The following SLIT3 variants were observed in gnomAD, a reference collection of about 807,000 sequenced individuals.
The protein encoded by SLIT3 is slit guidance ligand 3.
In SLIT3, 68 loss-of-function variants were observed where a neutral mutation model predicts 184.0. That is an observed-to-expected ratio of 0.37 (90% CI 0.30 to 0.45). The LOEUF (loss-of-function observed/expected upper bound fraction) is 0.45. SLIT3 is among the 20% of genes least tolerant of loss of function. The pLI, the probability that SLIT3 is intolerant of heterozygous loss-of-function variation, is 1.00. For synonymous variants in SLIT3, 831 were observed against 828.6 expected (o/e 1.00, Z -0.05); for missense variants, 1,707 against 2,026.0 (o/e 0.84, Z 3.02).
intron 3 of SLIT3, 51 bp downstream of exon 3, chr5:169,244,654 A>C (rs1461538237): frequency 2.6e-6 from 4 of 1,530,792 alleles, no homozygotes; most frequent in Non-Finnish European, 3.6e-6. Context: ...CAAAACAAAA[A>C]ACACTAAATG....
rs991802778 is a variant in SLIT3 at position 168,663,593 on chromosome 5, C to T, written c.*2861G>A. ...CACCTGTGGCCCAGTTTAGCATGCA[C>T]AGCTCTTTGTGGTCAAAACCCTACC... On this transcript the variant is annotated 3_prime_UTR_variant, in exon 36 of 36. Transcript: ENST00000519560. The T allele has an allele frequency of 1.3e-5, 2 of 152,340 alleles. No individual in the cohort carries two copies. The highest frequency in any genetic ancestry group is 2.9e-5 in the Non-Finnish European group (2 of 68,178). 9.4% of individuals were successfully genotyped at this position (152,340 alleles called of 1,614,324 possible).
chr5:169,294,750 A>G (rs998357309), intron 1 of SLIT3, among the ~76,000 whole-genome samples: 9 of 152,164 alleles, frequency 5.9e-5, no homozygotes, highest in African/African-American at 2.2e-4. Context: ...CATAGAGTGC[A>G]CTCACACGAG....
chr5:169,196,013 G>A (rs577585754), intron 3 of SLIT3, among the ~76,000 whole-genome samples: 4 of 152,182 alleles, frequency 2.6e-5, no homozygotes, highest in Admixed American at 6.5e-5. Context: ...TTGCAAAACC[G>A]AAATTCTGTC....
At chr5:168,944,008 G>C (rs548355859) in intron 4 of SLIT3, among the ~76,000 whole-genome samples, 4 of 152,132 alleles carry the variant, frequency 2.6e-5, no homozygotes, top group Non-Finnish European at 5.9e-5. Context: ...CACAGTCCTT[G>C]GTGGCCCAGC....
intron 4 of SLIT3, among the ~76,000 whole-genome samples, chr5:169,099,681 C>T (rs1235400433): frequency 6.6e-6 from 1 of 152,208 alleles, no homozygotes; most frequent in Admixed American, 6.5e-5. Flanking sequence ...TTAGTCCCAA[C>T]CATGCCATAT....
intron 23 of SLIT3, among the ~76,000 whole-genome samples, chr5:168,713,798 C>A (rs1440493416): frequency 6.6e-6 from 1 of 152,188 alleles, no homozygotes; most frequent in Non-Finnish European, 1.5e-5. Flanking sequence ...GATTCCTGAG[C>A]CCCACTTCCA....
At chr5:169,099,799 G>A (rs907637754) in intron 4 of SLIT3, among the ~76,000 whole-genome samples, 13 of 152,292 alleles carry the variant, frequency 8.5e-5, no homozygotes, top group East Asian at 3.9e-4. Context: ...GCTACCAGAC[G>A]GGCATCTAAC....
chr5:168,807,479 T>G (rs555822617), intron 8 of SLIT3, among the ~76,000 whole-genome samples: 1 of 152,230 alleles, frequency 6.6e-6, no homozygotes, highest in African/African-American at 2.4e-5. Context: ...CTTAATCATA[T>G]GGTTAGCTTT....
At chr5:168,960,472 A>T (rs1343263424) in intron 4 of SLIT3, among the ~76,000 whole-genome samples, 1 of 152,244 alleles carries the variant, frequency 6.6e-6, no homozygotes, top group Admixed American at 6.5e-5. Context: ...TTACATGCAG[A>T]GGAAGCTCAG....
intron 4 of SLIT3, among the ~76,000 whole-genome samples, chr5:168,962,487 A>G (rs1763049068): frequency 6.6e-6 from 1 of 152,010 alleles, no homozygotes; most frequent in Non-Finnish European, 1.5e-5. Flanking sequence ...TTAGCCTGAC[A>G]CATTCCGAGC....
intron 4 of SLIT3, among the ~76,000 whole-genome samples, chr5:168,969,451 G>C (rs561265860): frequency 6.6e-6 from 1 of 152,144 alleles, no homozygotes; most frequent in African/African-American, 2.4e-5. Context: ...GGCCACAGGC[G>C]GTTCTGTTGT....
intron 1 of SLIT3, among the ~76,000 whole-genome samples, chr5:169,252,639 T>C (rs1765815388): frequency 6.6e-6 from 1 of 152,362 alleles, no homozygotes; most frequent in South Asian, 2.1e-4. Flanking sequence ...TTTCAGGGTT[T>C]TGGCCCTTGG....
chr5:168,745,692 G>C (rs374517550), intron 20 of SLIT3, among the ~76,000 whole-genome samples: 3 of 152,194 alleles, frequency 2.0e-5, no homozygotes, highest in Non-Finnish European at 4.4e-5. Context: ...GATTACAGGC[G>C]TGAGCCACGG....
chr5:168,683,932 C>T (rs1219315385), intron 32 of SLIT3, 34 bp downstream of exon 32: 5 of 1,449,526 alleles, frequency 3.4e-6, no homozygotes, highest in Non-Finnish European at 4.6e-6. Flanking sequence ...TGCGGAGGAA[C>T]ACACAGTGGG....
chr5:169,087,312 T>G (rs1581395423), intron 4 of SLIT3, among the ~76,000 whole-genome samples: 1 of 152,226 alleles, frequency 6.6e-6, no homozygotes, highest in African/African-American at 2.4e-5. Context: ...TTCAACTATA[T>G]TTTGCTGTGA....
chr5:168,732,951 A>C (rs1431770637), intron 20 of SLIT3, among the ~76,000 whole-genome samples: 1 of 152,204 alleles, frequency 6.6e-6, no homozygotes, highest in Non-Finnish European at 1.5e-5. Context: ...ATGTAGTAAA[A>C]ACAAAATTAT....
chr5:169,118,337 G>C (rs1349610546), intron 4 of SLIT3, among the ~76,000 whole-genome samples: 1 of 152,180 alleles, frequency 6.6e-6, no homozygotes, highest in South Asian at 2.1e-4. Flanking sequence ...TGTGTGCTGG[G>C]GGTGGAGCTA....
intron 4 of SLIT3, among the ~76,000 whole-genome samples, chr5:168,887,099 A>T (rs182574213): frequency 1.8e-3 from 277 of 152,268 alleles, no homozygotes; most frequent in Admixed American, 5.7e-3. Context: ...GTCTAGTTCC[A>T]GTGGAGCTTT....
At chr5:169,124,538 G>A (rs1328010241) in intron 4 of SLIT3, among the ~76,000 whole-genome samples, 4 of 152,012 alleles carry the variant, frequency 2.6e-5, no homozygotes, top group Non-Finnish European at 5.9e-5. Context: ...ACTAGGTGCT[G>A]GTGCAGTGCT....
Sources: gnomAD v4.1 joint callset for allele counts (sites outside exome capture counted in the v4.1 genomes callset) on GRCh38, gnomAD v4.1.1 for gene constraint, MANE v1.5 for transcripts, NCBI Gene and HGNC (gene_info 2026-07-23, HGNC 2026-07-21) for gene names.